Variants in DIP2C observed in about 807,000 individuals in gnomAD.
DIP2C encodes the protein disco-interacting protein 2 homolog C.
Under a neutral mutation model 192.4 loss-of-function variants are expected in DIP2C, and 33 were observed. The observed-to-expected ratio is 0.17, with a 90% CI of 0.13 to 0.23. DIP2C has a LOEUF of 0.23. DIP2C is among the 10% of genes least tolerant of loss of function. The pLI is 1.00. For missense variants in DIP2C, 1,537 were observed against 2,110.1 expected, an observed-to-expected ratio of 0.73 and a Z score of 5.32; for synonymous variants, 979 against 864.1, an observed-to-expected ratio of 1.13 and a Z score of -2.33.
intron 1 of DIP2C, among the ~76,000 whole-genome samples, chr10:620,678 G>GAC (rs1853798147): frequency 6.6e-6 from 1 of 152,200 alleles, no homozygotes; most frequent in Non-Finnish European, 1.5e-5. Flanking sequence ...CAAAGTATCT[G>GAC]AACACGGGAG....
chr10:422,258 G>A (rs762183967), intron 5 of DIP2C, among the ~76,000 whole-genome samples: 16 of 152,164 alleles, frequency 1.1e-4, no homozygotes, highest in African/African-American at 2.2e-4. Flanking sequence ...GCCCATCACC[G>A]CTCCCCACGT....
At chr10:337,509 C>CTG (rs371093322) in intron 29 of DIP2C, among the ~76,000 whole-genome samples, 3 of 121,046 alleles carry the variant, frequency 2.5e-5, no homozygotes, top group African/African-American at 9.7e-5. Context: ...CCTAGACAGT[C>CTG]TGTGTGTGTG....
chr10:370,135 C>T lies in DIP2C; in HGVS notation c.1992-502G>A, dbSNP rs1219843543. 1.6e-5 allele frequency: 12 copies of T among 753,958 alleles called. No homozygotes were observed. The Admixed American group carries it at 3.1e-4, about 20-fold the overall frequency. The allele number at this position is 753,958 out of a possible 1,614,324, so 46.7% of individuals were successfully genotyped here. On this transcript the variant is annotated intron_variant, in intron 17 of 36. Coordinates refer to ENST00000280886, the MANE Select transcript of DIP2C (RefSeq NM_014974.3). ...AGATGCAGACTGCCTGGGCGTATGC[C>T]CAATTTTATAAGAATCTAAAATAAG...
chr10:386,538 G>A (rs1416115500), intron 14 of DIP2C, among the ~76,000 whole-genome samples: 1 of 152,146 alleles, frequency 6.6e-6, no homozygotes, highest in Non-Finnish European at 1.5e-5. Context: ...ACACAGTGGT[G>A]CTGGGAACAC....
At chr10:318,288 A>C (rs1188148689) in intron 31 of DIP2C, among the ~76,000 whole-genome samples, 2 of 152,208 alleles carry the variant, frequency 1.3e-5, no homozygotes, top group African/African-American at 4.8e-5. Flanking sequence ...TAAAAATACC[A>C]GAAGTCCCTT....
intron 1 of DIP2C, among the ~76,000 whole-genome samples, chr10:550,857 C>T (rs929609576): frequency 1.3e-5 from 2 of 152,230 alleles, no homozygotes; most frequent in Non-Finnish European, 2.9e-5. Context: ...CAGGCCTGGC[C>T]GGGACTGAGA....
At chr10:471,194 G>A (rs1045045034) in intron 3 of DIP2C, among the ~76,000 whole-genome samples, 4 of 152,208 alleles carry the variant, frequency 2.6e-5, no homozygotes, top group African/African-American at 4.8e-5. Flanking sequence ...GGGGCGCCCA[G>A]GAGGTGGCAC....
intron 4 of DIP2C, 121 bp from the exon 5 acceptor site, chr10:423,154 G>C: frequency 1.0e-6 from 1 of 953,482 alleles, no homozygotes; most frequent in Non-Finnish European, 1.5e-6. Flanking sequence ...ATGACTTTTT[G>C]ATACACTCTT....
intron 1 of DIP2C, among the ~76,000 whole-genome samples, chr10:503,121 C>T (rs1845361641): frequency 1.3e-5 from 2 of 152,192 alleles, no homozygotes; most frequent in Non-Finnish European, 1.5e-5. Context: ...TAAATCCCGC[C>T]AGGACACTGA....
chr10:379,064 C>A (rs1412679485), intron 17 of DIP2C, among the ~76,000 whole-genome samples: 1 of 152,164 alleles, frequency 6.6e-6, no homozygotes, highest in Non-Finnish European at 1.5e-5. Flanking sequence ...ATGGCATAAG[C>A]TCTGGCAGTG....
intron 1 of DIP2C, among the ~76,000 whole-genome samples, chr10:593,095 T>C (rs1851495785): frequency 6.6e-6 from 1 of 152,128 alleles, no homozygotes; most frequent in African/African-American, 2.4e-5. Flanking sequence ...CGGTGGCTCA[T>C]GCCTGCAATC....
rs1435213750 is a variant in DIP2C at position 441,016 on chromosome 10, G to A, written c.269-20C>T. On this transcript the variant is annotated intron_variant, in intron 3 of 36. Coordinates refer to ENST00000280886, the MANE Select transcript of DIP2C (RefSeq NM_014974.3). ...GGACGTCTGAAACGGAGAGAGCTCA[G>A]TCACTCAGTGCTCAGCTGAGGTCCC... The A allele has an allele frequency of 6.2e-7, 1 of 1,606,838 alleles. No homozygotes were observed. Among genetic ancestry groups the A allele is most frequent in the African/African-American group, 1.3e-5 (1 of 74,884 alleles).
intron 2 of DIP2C, chr10:484,834 C>T (rs546716425): frequency 1.5e-4 from 242 of 1,611,174 alleles, no homozygotes; most frequent in South Asian, 2.0e-4. Context: ...CACCCGCTCC[C>T]GAGCCGCAGC....
intron 29 of DIP2C, among the ~76,000 whole-genome samples, chr10:339,375 G>A (rs1460588266): frequency 1.3e-5 from 2 of 152,128 alleles, no homozygotes; most frequent in African/African-American, 4.8e-5. Context: ...TGACTTCTGA[G>A]TTAGTAACAT....
intron 3 of DIP2C, among the ~76,000 whole-genome samples, chr10:452,791 G>A (rs577336244): frequency 4.6e-5 from 7 of 152,276 alleles, no homozygotes; most frequent in South Asian, 2.1e-4. Flanking sequence ...TTAAAAGGCC[G>A]CATGTCCACT....
Position 669,180 on chromosome 10 carries a change from G to A in DIP2C, c.85+20314C>T, listed in dbSNP as rs377487188. On this transcript the variant is annotated intron_variant, in intron 1 of 36. Transcript: ENST00000280886. ...CACAACGGACAATAGTTGGGCTACT[G>A]AAAGTTTATTGAGAGGGGTCTTGCT... 1.8e-4 allele frequency: 27 copies of A among 152,318 alleles called. No individual in the cohort carries two copies. In the East Asian group the frequency reaches 4.0e-3, roughly 23 times the overall value. 9.4% of individuals were successfully genotyped at this position (152,318 alleles called of 1,614,324 possible).
chr10:406,499 A>C (rs1964816680), intron 9 of DIP2C, among the ~76,000 whole-genome samples: 1 of 152,236 alleles, frequency 6.6e-6, no homozygotes, highest in Admixed American at 6.5e-5. Context: ...ATAACTGAGG[A>C]AATTATGACA....
chr10:673,183 T>C (rs1482162174), intron 1 of DIP2C, among the ~76,000 whole-genome samples: 2 of 152,210 alleles, frequency 1.3e-5, no homozygotes, highest in Admixed American at 6.5e-5. Flanking sequence ...GAGGTGAGGC[T>C]GGATCCCCAA....
At chr10:597,569 C>T (rs1851789214) in intron 1 of DIP2C, among the ~76,000 whole-genome samples, 1 of 152,206 alleles carries the variant, frequency 6.6e-6, no homozygotes, top group African/African-American at 2.4e-5. Context: ...CTAACGCTGT[C>T]ACTATGCAAA....
Sources: gnomAD v4.1 joint callset for allele counts (sites outside exome capture counted in the v4.1 genomes callset) on GRCh38, gnomAD v4.1.1 for gene constraint, MANE v1.5 for transcripts, NCBI Gene and HGNC (gene_info 2026-07-23, HGNC 2026-07-21) for gene names.